SLC24A3: variants seen among roughly 807,000 people sequenced by gnomAD.
SLC24A3 encodes sodium/potassium/calcium exchanger 3.
A neutral mutation model predicts 75.8 loss-of-function variants in SLC24A3; 28 were observed. That is an observed-to-expected ratio of 0.37 (90% confidence interval 0.27 to 0.51). SLC24A3 has a LOEUF of 0.51. Ranked by LOEUF, SLC24A3 falls within the 20% of genes least tolerant of loss-of-function variation. The pLI, the probability that SLC24A3 is intolerant of heterozygous loss-of-function variation, is 0.94. For missense variants in SLC24A3, 663 were observed against 847.8 expected, an observed-to-expected ratio of 0.78 and a Z score of 2.71; for synonymous variants, 372 against 334.1, an observed-to-expected ratio of 1.11 and a Z score of -1.24.
At chr20:19,468,563 A>T (rs1459893804) in intron 2 of SLC24A3, among the ~76,000 whole-genome samples, 1 of 152,134 alleles carries the variant, frequency 6.6e-6, no homozygotes, top group Non-Finnish European at 1.5e-5. Context: ...GTCAATAGAG[A>T]TGGCACATTC....
At chr20:19,453,246 T>G (rs1172095978) in intron 2 of SLC24A3, among the ~76,000 whole-genome samples, 1 of 151,810 alleles carries the variant, frequency 6.6e-6, no homozygotes, top group Non-Finnish European at 1.5e-5. Flanking sequence ...GCTACTCAGG[T>G]GACTGAGGCA....
intron 15 of SLC24A3, among the ~76,000 whole-genome samples, chr20:19,709,506 C>G (rs1012834183): frequency 6.6e-6 from 1 of 152,062 alleles, no homozygotes; most frequent in East Asian, 1.9e-4. Context: ...CCTATAGTCC[C>G]AGCTACTCGG....
At chr20:19,664,944 G>T (rs376824804) in intron 7 of SLC24A3, among the ~76,000 whole-genome samples, 2 of 152,208 alleles carry the variant, frequency 1.3e-5, no homozygotes, top group East Asian at 3.8e-4. Context: ...AGCAAATGGA[G>T]CAAGCCTAGG....
intron 9 of SLC24A3, among the ~76,000 whole-genome samples, chr20:19,675,188 A>G (rs1248041823): frequency 6.6e-6 from 1 of 152,222 alleles, no homozygotes; most frequent in Non-Finnish European, 1.5e-5. Flanking sequence ...AAGAATGCAG[A>G]GATGTTCTGT....
At chr20:19,610,322 T>C (rs1444789999) in intron 6 of SLC24A3, among the ~76,000 whole-genome samples, 1 of 152,184 alleles carries the variant, frequency 6.6e-6, no homozygotes, top group Non-Finnish European at 1.5e-5. Flanking sequence ...GTGTACAACA[T>C]TAATCTTAAA....
intron 2 of SLC24A3, among the ~76,000 whole-genome samples, chr20:19,330,821 T>C (rs763110431): frequency 7.2e-5 from 11 of 152,238 alleles, no homozygotes; most frequent in Admixed American, 2.0e-4. Flanking sequence ...GCACCTTGAC[T>C]GAAACTTCCT....
At chr20:19,669,302 G>C (rs1228624727) in intron 8 of SLC24A3, among the ~76,000 whole-genome samples, 1 of 152,152 alleles carries the variant, frequency 6.6e-6, no homozygotes, top group Non-Finnish European at 1.5e-5. Context: ...AGGAGTTCGA[G>C]ACCAGCCTGG....
intron 2 of SLC24A3, among the ~76,000 whole-genome samples, chr20:19,368,522 T>C (rs1221271960): frequency 6.6e-6 from 1 of 152,200 alleles, no homozygotes; most frequent in African/African-American, 2.4e-5. Context: ...CCTCTATTCA[T>C]ACTGTTGGCT....
At chr20:19,643,358 A>G (rs552183927) in intron 6 of SLC24A3, among the ~76,000 whole-genome samples, 2 of 152,306 alleles carry the variant, frequency 1.3e-5, no homozygotes, top group South Asian at 4.1e-4. Context: ...TAAAAGCACA[A>G]TCAACTATTC....
At chr20:19,419,359 G>C (rs1986877203) in intron 2 of SLC24A3, among the ~76,000 whole-genome samples, 1 of 150,540 alleles carries the variant, frequency 6.6e-6, no homozygotes, top group South Asian at 2.1e-4. Flanking sequence ...GCAGTAAAAA[G>C]CTAGCTTCTT....
At chr20:19,406,675 C>A (rs901135494) in intron 2 of SLC24A3, among the ~76,000 whole-genome samples, 1 of 152,050 alleles carries the variant, frequency 6.6e-6, no homozygotes, top group Non-Finnish European at 1.5e-5. Context: ...TGAAAGGTAG[C>A]ACAGAGGGGG....
chr20:19,431,402 G>A (rs1987100678), intron 2 of SLC24A3, among the ~76,000 whole-genome samples: 1 of 152,146 alleles, frequency 6.6e-6, no homozygotes, highest in African/African-American at 2.4e-5. Flanking sequence ...GTGGATGGCT[G>A]TGCAGTACAG....
chr20:19,697,630 T>C (rs903919383), intron 14 of SLC24A3: 5 of 152,296 alleles, frequency 3.3e-5, no homozygotes, highest in African/African-American at 1.2e-4. Context: ...TTCTGACGCA[T>C]CTGCCTGATT....
intron 6 of SLC24A3, among the ~76,000 whole-genome samples, chr20:19,648,006 G>A (rs993908743): frequency 6.6e-6 from 1 of 152,198 alleles, no homozygotes; most frequent in African/African-American, 2.4e-5. Context: ...GCAAAAGCGT[G>A]TAATTGTCTT....
chr20:19,533,662 G>A (rs2030344793), intron 3 of SLC24A3, among the ~76,000 whole-genome samples: 1 of 152,186 alleles, frequency 6.6e-6, no homozygotes, highest in Admixed American at 6.5e-5. Flanking sequence ...GTCAAGATGG[G>A]AGATGGCAAG....
intron 2 of SLC24A3, among the ~76,000 whole-genome samples, chr20:19,331,028 A>G (rs1984986860): frequency 6.6e-6 from 1 of 152,232 alleles, no homozygotes; most frequent in Non-Finnish European, 1.5e-5. Context: ...GTTGTGAAAG[A>G]CAGGAAGGCT....
At chr20:19,461,624 C>A (rs1489134419) in intron 2 of SLC24A3, among the ~76,000 whole-genome samples, 1 of 149,812 alleles carries the variant, frequency 6.7e-6, no homozygotes, top group Non-Finnish European at 1.5e-5. Context: ...CCTCCACCCC[C>A]TGGGCTCAAG....
At chr20:19,548,457 A>T (rs982386564) in intron 3 of SLC24A3, among the ~76,000 whole-genome samples, 1 of 152,256 alleles carries the variant, frequency 6.6e-6, no homozygotes, top group Admixed American at 6.5e-5. Flanking sequence ...TGTAGTAACA[A>T]ATAAACCCTA....
At chr20:19,297,400 T>A (rs189482764) in intron 2 of SLC24A3, among the ~76,000 whole-genome samples, 1 of 152,296 alleles carries the variant, frequency 6.6e-6, no homozygotes, top group Admixed American at 6.5e-5. Context: ...CCCAGGAAGT[T>A]CTCTCTTGCC....
Sources: allele counts gnomAD v4.1 joint callset (sites outside exome capture counted in the v4.1 genomes callset), GRCh38; gene constraint gnomAD v4.1.1; transcripts MANE v1.5; gene names NCBI Gene and HGNC (gene_info 2026-07-23, HGNC 2026-07-21).